Variants in SUGCT observed in about 807,000 individuals in gnomAD.
The protein encoded by SUGCT is succinyl-CoA:glutarate-CoA transferase, also known as succinyl-CoA:glutarate CoA-transferase.
SUGCT carries 41 observed loss-of-function variants against 55.0 expected under a neutral mutation model. The observed-to-expected ratio is 0.74, with a 90% CI of 0.58 to 0.97. SUGCT has a LOEUF of 0.97. SUGCT is among the 50% of genes least tolerant of loss of function. The pLI, the probability that SUGCT is intolerant of heterozygous loss-of-function variation, is 0.00. For missense variants in SUGCT, 568 were observed against 547.8 expected, an observed-to-expected ratio of 1.04 and a Z score of -0.37; for synonymous variants, 187 against 200.4, an observed-to-expected ratio of 0.93 and a Z score of 0.56.
At chr7:40,938,110 A>G in the SUGCT span, among the ~76,000 whole-genome samples, 1 of 152,312 alleles carries the variant, frequency 6.6e-6, no homozygotes, top group African/African-American at 2.4e-5. Context: ...GGTTCCTAAT[A>G]GGCCACGGAC....
chr7:40,235,615 C>T (rs1183146688), intron 6 of SUGCT, among the ~76,000 whole-genome samples: 1 of 152,202 alleles, frequency 6.6e-6, no homozygotes, highest in Non-Finnish European at 1.5e-5. Context: ...GCGTGAGCCA[C>T]CGCATCCAGC....
At chr7:40,897,339 G>A in the SUGCT span, among the ~76,000 whole-genome samples, 1 of 151,876 alleles carries the variant, frequency 6.6e-6, no homozygotes, top group Non-Finnish European at 1.5e-5. Context: ...AACAAAAATA[G>A]AATTAAACTA....
intron 6 of SUGCT, among the ~76,000 whole-genome samples, chr7:40,202,036 C>T (rs993273734): frequency 3.9e-5 from 6 of 152,030 alleles, no homozygotes; most frequent in Non-Finnish European, 7.4e-5. Flanking sequence ...TGCAGTGGTG[C>T]GATCTCGGCT....
the SUGCT span, among the ~76,000 whole-genome samples, chr7:40,997,620 T>A: frequency 6.6e-6 from 1 of 152,196 alleles, no homozygotes; most frequent in Admixed American, 6.5e-5. Flanking sequence ...TAAGGTTGCA[T>A]CTCTTAGAAA....
At chr7:40,900,467 C>T in the SUGCT span, among the ~76,000 whole-genome samples, 2 of 152,232 alleles carry the variant, frequency 1.3e-5, no homozygotes, top group Non-Finnish European at 2.9e-5. Flanking sequence ...AACTCTTAAA[C>T]TATCTTGGGA....
At chr7:40,936,578 A>G in the SUGCT span, among the ~76,000 whole-genome samples, 1 of 151,006 alleles carries the variant, frequency 6.6e-6, no homozygotes, top group Non-Finnish European at 1.5e-5. Context: ...GTTTATTAAT[A>G]TTTTCTATTC....
intron 7 of SUGCT, among the ~76,000 whole-genome samples, chr7:40,246,097 C>T (rs1789856364): frequency 1.3e-5 from 2 of 152,058 alleles, no homozygotes; most frequent in African/African-American, 4.8e-5. Flanking sequence ...TGGATAGACA[C>T]TACTCAGTTT....
chr7:40,884,984 C>T, the SUGCT span, among the ~76,000 whole-genome samples: 1 of 152,118 alleles, frequency 6.6e-6, no homozygotes, highest in African/African-American at 2.4e-5. Flanking sequence ...TGCCTGGCCT[C>T]TCTAAACCTT....
At chr7:40,158,945 T>G in intron 1 of SUGCT, among the ~76,000 whole-genome samples, 1 of 152,258 alleles carries the variant, frequency 6.6e-6, no homozygotes, top group East Asian at 1.9e-4. Context: ...AGACAGGGTC[T>G]GGCTCTATTG....
intron 9 of SUGCT, among the ~76,000 whole-genome samples, chr7:40,376,539 GCAC>G (rs1784554984): frequency 6.6e-6 from 1 of 151,758 alleles, no homozygotes; most frequent in African/African-American, 2.4e-5. Context: ...CTACAGGTGT[GCAC>G]CACCATGCCC....
rs1472956677 is a variant in SUGCT at position 40,363,407 on chromosome 7, G to A, written c.816+46552G>A. On this transcript the variant is annotated intron_variant, in intron 9 of 13. Transcript: ENST00000335693. The stretch of plus-strand genomic sequence containing the variant: ...CTAGTTCTTTTAATTGTGATGTTAC[G>A]GTGTCAATTTTGGATCTTTCCTGCT... Among the ~76,000 whole-genome samples the A allele has an allele frequency of 4.6e-5, 7 of 151,838 alleles. No individual in the cohort carries two copies. The East Asian group carries it at 7.7e-4, about 17-fold the overall frequency.
chr7:40,669,878 A>G (rs1195822516), intron 12 of SUGCT, among the ~76,000 whole-genome samples: 2 of 152,032 alleles, frequency 1.3e-5, no homozygotes, highest in Admixed American at 6.6e-5. Context: ...AAAAAGTACT[A>G]GAAAAAATTT....
At chr7:40,947,549 G>T in the SUGCT span, among the ~76,000 whole-genome samples, 1 of 148,752 alleles carries the variant, frequency 6.7e-6, no homozygotes, top group African/African-American at 2.5e-5. Context: ...TTTTTCTGTT[G>T]AAAACTAGAC....
intron 8 of SUGCT, among the ~76,000 whole-genome samples, chr7:40,315,484 C>T (rs1027091522): frequency 1.3e-5 from 2 of 152,224 alleles, no homozygotes; most frequent in African/African-American, 4.8e-5. Context: ...ACAGCCAAAC[C>T]AGCTGCCACA....
chr7:40,971,718 G>C, the SUGCT span, among the ~76,000 whole-genome samples: 1 of 152,056 alleles, frequency 6.6e-6, no homozygotes, highest in Admixed American at 6.5e-5. Context: ...GTCTAAGATG[G>C]GTATTTCCAT....
chr7:40,276,883 C>G (rs777045277), intron 8 of SUGCT, among the ~76,000 whole-genome samples: 1 of 151,960 alleles, frequency 6.6e-6, no homozygotes, highest in African/African-American at 2.4e-5. Flanking sequence ...AGACTAAATT[C>G]TATGACTGCT....
chr7:40,454,628 A>G (rs985667645), intron 10 of SUGCT, among the ~76,000 whole-genome samples: 12 of 151,918 alleles, frequency 7.9e-5, no homozygotes, highest in Non-Finnish European at 1.6e-4. Flanking sequence ...GAAAAAATGT[A>G]TTATCCATGG....
At chr7:40,405,977 G>T (rs938620338) in intron 9 of SUGCT, among the ~76,000 whole-genome samples, 25 of 152,120 alleles carry the variant, frequency 1.6e-4, no homozygotes, top group Non-Finnish European at 3.2e-4. Context: ...AATTGCAATA[G>T]AGTTTAATAC....
At chr7:40,141,933 CG>C in intron 1 of SUGCT, 1 of 287,468 alleles carries the variant, frequency 3.5e-6, no homozygotes. Context: ...CACGTGGCCC[CG>C]CTGCTGTGTC....
Sources: gnomAD v4.1 joint callset for allele counts (sites outside exome capture counted in the v4.1 genomes callset) on GRCh38, gnomAD v4.1.1 for gene constraint, MANE v1.5 for transcripts, NCBI Gene and HGNC (gene_info 2026-07-23, HGNC 2026-07-21) for gene names.